Variants in ACER3 observed in about 807,000 individuals in gnomAD.
The protein encoded by ACER3 is alkaline ceramidase 3, also known as alkCDase 3.
ACER3 carries 16 observed loss-of-function variants against 48.9 expected under a neutral mutation model. The ratio of observed to expected loss-of-function variants is 0.33; its 90% CI spans 0.22 to 0.50. ACER3 has a LOEUF of 0.50. ACER3 is among the 20% of genes least tolerant of loss of function. ACER3 has a pLI of 0.98. For missense variants in ACER3, 227 were observed against 326.0 expected (o/e 0.70, Z 2.34); for synonymous variants, 109 against 107.8 (o/e 1.01, Z -0.07).
intron 1 of ACER3, among the ~76,000 whole-genome samples, chr11:76,917,886 A>G (rs1946577112): frequency 2.0e-5 from 3 of 151,798 alleles, no homozygotes; most frequent in South Asian, 2.1e-4. Context: ...GAAAGAAAAG[A>G]AAAGAAAATA....
In ACER3 at chr11:76,974,776, T is replaced by TA. The variant is rs11323448; in HGVS notation, c.268-1504dup. On this transcript the variant is annotated intron_variant, in intron 3 of 10. Coordinates refer to ENST00000532485, the MANE Select transcript of ACER3 (RefSeq NM_018367.7). Reference sequence around the variant, plus strand: ...AATTTTTACTGTTGTATGAAGGGGTTAAAAAAAAAGGTGAATTTTATGGTA... The same window carrying TA: ...AATTTTTACTGTTGTATGAAGGGGTTAAAAAAAAAAGGTGAATTTTATGGTA... Among the ~76,000 whole-genome samples the TA allele has an allele frequency of 4.0e-5, 6 of 151,170 alleles. No individual in the cohort carries two copies. The East Asian group carries it at 9.7e-4, about 25-fold the overall frequency.
intron 6 of ACER3, among the ~76,000 whole-genome samples, chr11:76,996,734 T>TCC: frequency 6.9e-6 from 1 of 144,054 alleles, no homozygotes; most frequent in Admixed American, 7.0e-5. Context: ...TTTTTTTTTT[T>TCC]TTTTTTTCTG....
intron 2 of ACER3, among the ~76,000 whole-genome samples, chr11:76,929,897 C>T (rs1946946484): frequency 6.6e-6 from 1 of 152,150 alleles, no homozygotes; most frequent in African/African-American, 2.4e-5. Context: ...ATTTTTACAT[C>T]GATGTTCATC....
At position 77,020,328 on chromosome 11, in the gene ACER3, T is replaced by C; in HGVS notation, c.*1T>C. 6.2e-7 allele frequency: 1 copy of C among 1,613,458 alleles called. No homozygotes were observed. Among genetic ancestry groups the C allele is most frequent in the Non-Finnish European group, 8.5e-7 (1 of 1,179,866 alleles). On this transcript the variant is annotated 3_prime_UTR_variant, in exon 11 of 11. Coordinates refer to ENST00000532485, the MANE Select transcript of ACER3 (RefSeq NM_018367.7). The stretch of plus-strand genomic sequence containing the variant: ...GTTTGAGCCTCTCAGGAAGCATTGA[T>C]GAATCATTCCACCAAGAAAACAAAC...
At chr11:76,895,334 C>G (rs918531344) in intron 1 of ACER3, among the ~76,000 whole-genome samples, 1 of 152,172 alleles carries the variant, frequency 6.6e-6, no homozygotes, top group African/African-American at 2.4e-5. Flanking sequence ...TATGGTTCCA[C>G]TTTCTTCATT....
intron 1 of ACER3, among the ~76,000 whole-genome samples, chr11:76,901,482 T>C (rs1946080977): frequency 6.6e-6 from 1 of 152,104 alleles, no homozygotes; most frequent in African/African-American, 2.4e-5. Flanking sequence ...TGATCATAAA[T>C]CCAACTGCCT....
chr11:76,958,795 T>C (rs1565199852), intron 2 of ACER3, 184 bp from the exon 3 acceptor site: 2 of 614,566 alleles, frequency 3.3e-6, no homozygotes, highest in East Asian at 2.8e-5. Flanking sequence ...ATATTGTACT[T>C]CTTTTCTACA....
At chr11:76,935,125 G>T (rs887238343) in intron 2 of ACER3, among the ~76,000 whole-genome samples, 2 of 152,108 alleles carry the variant, frequency 1.3e-5, no homozygotes. Context: ...GTGCTTGAGG[G>T]AGAGTAGAGT....
At chr11:76,945,542 G>C (rs1947450163) in intron 2 of ACER3, among the ~76,000 whole-genome samples, 1 of 152,168 alleles carries the variant, frequency 6.6e-6, no homozygotes, top group African/African-American at 2.4e-5. Flanking sequence ...CTGTGGTGAA[G>C]TTTTGCTGGG....
chr11:76,945,648 C>T (rs566016898), intron 2 of ACER3, among the ~76,000 whole-genome samples: 81 of 152,252 alleles, frequency 5.3e-4, no homozygotes, highest in Non-Finnish European at 9.1e-4. Context: ...TACGCTGGCA[C>T]CAGTGTTAGT....
intron 1 of ACER3, among the ~76,000 whole-genome samples, chr11:76,879,663 A>T (rs900717075): frequency 6.6e-6 from 1 of 152,224 alleles, no homozygotes; most frequent in Admixed American, 6.5e-5. Flanking sequence ...ATATTATTCT[A>T]TATCAAAGTG....
chr11:76,971,610 G>C (rs963673538), intron 3 of ACER3, among the ~76,000 whole-genome samples: 1 of 152,080 alleles, frequency 6.6e-6, no homozygotes, highest in Non-Finnish European at 1.5e-5. Context: ...ACATGTATGG[G>C]CATGGCATAC....
intron 2 of ACER3, among the ~76,000 whole-genome samples, chr11:76,952,317 T>A (rs752929495): frequency 2.9e-4 from 44 of 151,338 alleles, no homozygotes; most frequent in Non-Finnish European, 5.6e-4. Flanking sequence ...TGGAGTGCAG[T>A]GGCACAATCT....
intron 1 of ACER3, among the ~76,000 whole-genome samples, chr11:76,902,768 C>T (rs1337313298): frequency 6.6e-6 from 1 of 152,154 alleles, no homozygotes; most frequent in Non-Finnish European, 1.5e-5. Flanking sequence ...GAACTGCTCA[C>T]AGGGAGATGA....
In ACER3 at chr11:76,912,424, G is replaced by A. The variant is rs142715424; in HGVS notation, c.104-14133G>A. ...TGGTAATTTGTTACGGCAGCCCTAG[G>A]AAATTAATACAGATGTTCATAATAT... On this transcript the variant is annotated intron_variant, in intron 1 of 10. Transcript: ENST00000532485. Among the ~76,000 whole-genome samples, 386 of 152,152 alleles carry A rather than the reference G, an allele frequency of 2.5e-3. 2 individuals are homozygous for A. Among genetic ancestry groups the A allele is most frequent in the African/African-American group, 8.8e-3 (367 of 41,524 alleles).
chr11:76,959,169 A>G, intron 3 of ACER3, 138 bp downstream of exon 3: 5 of 1,533,380 alleles, frequency 3.3e-6, no homozygotes, highest in Non-Finnish European at 4.4e-6. Context: ...CTGAGGATCC[A>G]AACTGACTAA....
In ACER3 at chr11:76,917,851, C is replaced by A. The variant is rs143911593; in HGVS notation, c.104-8706C>A. 4.7e-3 allele frequency among the ~76,000 whole-genome samples: 558 copies of A among 119,030 alleles called. 10 individuals carry two copies. The highest frequency in any genetic ancestry group is 0.03 in the East Asian group (129 of 4,342). The allele number at this position is 119,030 out of a possible 152,430, so 78.1% of individuals were successfully genotyped here. ...ACTCACTCTGTGCAACAGAGAGAGA[C>A]CCTGTCTCAAAAAAAAAAAAAAAAG... On this transcript the variant is annotated intron_variant, in intron 1 of 10. Transcript: ENST00000532485.
intron 1 of ACER3, among the ~76,000 whole-genome samples, chr11:76,889,753 T>C (rs1420529395): frequency 6.6e-6 from 1 of 152,208 alleles, no homozygotes; most frequent in Non-Finnish European, 1.5e-5. Flanking sequence ...CATCTCTCTT[T>C]ATTTTGTTAA....
intron 6 of ACER3, among the ~76,000 whole-genome samples, chr11:76,994,409 C>T (rs1017648142): frequency 2.0e-5 from 3 of 152,132 alleles, no homozygotes; most frequent in East Asian, 1.9e-4. Flanking sequence ...GGATTACAGG[C>T]GTGAGCCACC....
Sources: gnomAD v4.1 joint callset for allele counts (sites outside exome capture counted in the v4.1 genomes callset) on GRCh38, gnomAD v4.1.1 for gene constraint, MANE v1.5 for transcripts, NCBI Gene and HGNC (gene_info 2026-07-23, HGNC 2026-07-21) for gene names.